DDX19A: variants seen among roughly 807,000 people sequenced by gnomAD.
DDX19A encodes DEAD-box helicase 19A, also known as ATP-dependent RNA helicase DDX19A.
Under a neutral mutation model 60.6 loss-of-function variants are expected in DDX19A, and 12 were observed. The observed-to-expected ratio is 0.20, with a 90% CI of 0.13 to 0.32. The LOEUF (loss-of-function observed/expected upper bound fraction) is 0.32, where lower values mean the gene tolerates loss of function less well. Ranked by LOEUF, DDX19A falls within the 10% of genes least tolerant of loss-of-function variation. The probability of loss-of-function intolerance (pLI) is 1.00; values close to 1 mark genes in which losing one functional copy is unlikely to be tolerated. For missense variants in DDX19A, 337 were observed against 600.6 expected (o/e 0.56, Z 4.59); for synonymous variants, 206 against 218.2 (o/e 0.94, Z 0.49).
At chr16:70,365,522 C>A in intron 7 of DDX19A, 1 of 189,914 alleles carries the variant, frequency 5.3e-6, no homozygotes, top group South Asian at 9.4e-5. Context: ...TACAGTGGCT[C>A]ACACCTGCAA....
rs772565279 is a variant in DDX19A at position 70,355,485 on chromosome 16, G to A, written c.107G>A (p.Gly36Asp). The A allele has an allele frequency of 1.2e-6, 2 of 1,612,290 alleles. No homozygotes were observed. The highest frequency in any genetic ancestry group is 1.7e-6 in the Non-Finnish European group (2 of 1,178,448). ...TTATGACAATTGTTTTCTTGTGTAG[G>A]TATTATCAAAACCAGTACCACTGCC... ...KEEKVKADTN[G>D]IIKTSTTAEK... Residue 36 changes from glycine (G) to aspartate (D), a missense_variant and splice_region_variant, in exon 3 of 12, where the codon GGT (glycine) becomes GAT (aspartate). Transcript: ENST00000302243.
At chr16:70,364,911 T>C in intron 6 of DDX19A, 106 bp from the exon 7 acceptor site, 1 of 863,776 alleles carries the variant, frequency 1.2e-6, no homozygotes, top group Non-Finnish European at 1.9e-6. Flanking sequence ...TGGGAGGACA[T>C]GCTTCCCTGT....
chr16:70,361,288 T>G, intron 4 of DDX19A, 130 bp from the exon 5 acceptor site: 1 of 734,988 alleles, frequency 1.4e-6, no homozygotes, highest in Non-Finnish European at 2.3e-6. Context: ...AGTGTTTTTT[T>G]AAGGCATAGG....
At chr16:70,363,000 T>G (rs1222607121) in intron 5 of DDX19A, among the ~76,000 whole-genome samples, 2 of 136,390 alleles carry the variant, frequency 1.5e-5, no homozygotes, top group Non-Finnish European at 3.1e-5. Flanking sequence ...GGCGACAGAG[T>G]AAGACTCTGT....
chr16:70,372,059 G>T lies in DDX19A; in HGVS notation c.*73G>T, dbSNP rs538828112. On this transcript the variant is annotated 3_prime_UTR_variant, in exon 12 of 12. Transcript: ENST00000302243. ...GGAGACAAGTGCATTTAGGGCACAG[G>T]CCCCGACATCACCCCAAGGACAACG... 6.2e-7 allele frequency: 1 copy of T among 1,609,556 alleles called. No individual in the cohort carries two copies. The highest frequency in any genetic ancestry group is 2.2e-5 in the East Asian group (1 of 44,872).
intron 2 of DDX19A, 24 bp from the exon 3 acceptor site, chr16:70,355,461 T>G: frequency 6.3e-7 from 1 of 1,591,930 alleles, no homozygotes; most frequent in Non-Finnish European, 8.6e-7. Context: ...CCTTTCTAAT[T>G]ATGACAATTG....
Position 70,371,557 on chromosome 16 carries a change from C to T in DDX19A, c.1369C>T (p.His457Tyr). 6.1e-6 allele frequency: 9 copies of T among 1,465,904 alleles called. No homozygotes were observed. The highest frequency in any genetic ancestry group is 8.3e-6 in the Non-Finnish European group (9 of 1,088,562). 90.8% of individuals were successfully genotyped at this position (1,465,904 alleles called of 1,614,324 possible). A position where few individuals can be genotyped will look rare whatever the true frequency, so the allele number is the denominator to read the frequency against. ...SMNILNRIQE[H>Y]FNKKIERLDT... ...GAACATCCTGAACAGAATCCAGGAGCATTTTAGTGAGTCCCGGGGAGGGTC... is the reference window on the plus strand; with the variant it reads ...GAACATCCTGAACAGAATCCAGGAGTATTTTAGTGAGTCCCGGGGAGGGTC... Residue 457 changes from histidine to tyrosine, a missense_variant, in exon 11 of 12, where the codon CAT (histidine) becomes TAT (tyrosine). Physicochemically the swap from His to Tyr is moderately conservative, Grantham distance 83. Transcript: ENST00000302243.
intron 1 of DDX19A, among the ~76,000 whole-genome samples, chr16:70,348,596 C>T (rs1189762763): frequency 7.0e-6 from 1 of 143,080 alleles, no homozygotes; most frequent in African/African-American, 2.6e-5. Flanking sequence ...CACTGCACTC[C>T]AGCCTGGGCT....
chr16:70,367,759 C>G (rs1028270459), intron 9 of DDX19A, among the ~76,000 whole-genome samples: 1 of 152,042 alleles, frequency 6.6e-6, no homozygotes, highest in Non-Finnish European at 1.5e-5. Flanking sequence ...TGCCTGTAAT[C>G]CCAGCTACTC....
At chr16:70,364,871 T>C in intron 6 of DDX19A, 146 bp from the exon 7 acceptor site, 1 of 707,136 alleles carries the variant, frequency 1.4e-6, no homozygotes, top group Non-Finnish European at 2.4e-6. Context: ...TGCTGCAGGC[T>C]TCAGTCTATG....
At chr16:70,350,398 A>G (rs966197034) in intron 1 of DDX19A, among the ~76,000 whole-genome samples, 159 bp from the exon 2 acceptor site, 2 of 152,192 alleles carry the variant, frequency 1.3e-5, no homozygotes, top group Non-Finnish European at 2.9e-5. Flanking sequence ...GGTTTCACAC[A>G]GACTTTCAGC....
intron 7 of DDX19A, 46 bp from the exon 8 acceptor site, chr16:70,366,039 G>A (rs1408469347): frequency 1.9e-6 from 3 of 1,613,866 alleles, no homozygotes; most frequent in Non-Finnish European, 1.7e-6. Context: ...TTCCAGAGCT[G>A]GCTTTGCCTT....
At chr16:70,347,435 GGTA>G (rs1297277354) in intron 1 of DDX19A, among the ~76,000 whole-genome samples, 1 of 152,174 alleles carries the variant, frequency 6.6e-6, no homozygotes, top group Non-Finnish European at 1.5e-5. Context: ...TAACGTGGTT[GGTA>G]GTTTGTAGCT....
intron 1 of DDX19A, among the ~76,000 whole-genome samples, chr16:70,349,156 G>C (rs924566691): frequency 6.6e-6 from 1 of 152,162 alleles, no homozygotes; most frequent in Non-Finnish European, 1.5e-5. Context: ...GAGGAAAAAG[G>C]CTCATGGGCT....
intron 4 of DDX19A, 149 bp downstream of exon 4, chr16:70,356,396 G>C: frequency 7.8e-7 from 1 of 1,277,394 alleles, no homozygotes; most frequent in Non-Finnish European, 1.1e-6. Context: ...CGCTCCTGTT[G>C]CCCAGCCTGG....
At position 70,346,947 on chromosome 16, in the gene DDX19A, G is replaced by C. The variant is rs755393414; in HGVS notation, c.-45G>C. ...GAGGTTAGGGCCCGCGTTGCGACGTGGTGCAGCGCATATTTTCACAAGTGG... is the reference window on the plus strand; with the variant it reads ...GAGGTTAGGGCCCGCGTTGCGACGTCGTGCAGCGCATATTTTCACAAGTGG... On this transcript the variant is annotated 5_prime_UTR_variant, in exon 1 of 12. Transcript: ENST00000302243. 3 of 1,587,208 alleles carry C rather than the reference G, an allele frequency of 1.9e-6. No individual in the cohort carries two copies. Among genetic ancestry groups the C allele is most frequent in the African/African-American group, 2.7e-5 (2 of 74,520 alleles).
At chr16:70,365,864 G>A (rs1397045393) in intron 7 of DDX19A, 1 of 621,300 alleles carries the variant, frequency 1.6e-6, no homozygotes, top group African/African-American at 1.8e-5. Flanking sequence ...GCTTATTGAA[G>A]GATTGCTGTG....
At chr16:70,348,966 T>C (rs529972821) in intron 1 of DDX19A, among the ~76,000 whole-genome samples, 1 of 152,048 alleles carries the variant, frequency 6.6e-6, no homozygotes, top group Admixed American at 6.6e-5. Context: ...AAGGGAATGG[T>C]GAGTTCAGGT....
rs1029569353 is a variant in DDX19A at position 70,372,188 on chromosome 16, G to A, written c.*202G>A. ...CAATAGAAGAAAAAATTTGCATTTT[G>A]GAAAATTGGGTCCTTTCCCCACTTT... On this transcript the variant is annotated 3_prime_UTR_variant, in exon 12 of 12. Transcript: ENST00000302243. 3 of 777,970 alleles carry A rather than the reference G, an allele frequency of 3.9e-6. No individual in the cohort carries two copies. In the Admixed American group the frequency reaches 8.8e-5, roughly 23 times the overall value. 48.2% of individuals were successfully genotyped at this position (777,970 alleles called of 1,614,324 possible).
Sources: gnomAD v4.1 joint callset for allele counts (sites outside exome capture counted in the v4.1 genomes callset) on GRCh38, gnomAD v4.1.1 for gene constraint, MANE v1.5 for transcripts, NCBI Gene and HGNC (gene_info 2026-07-23, HGNC 2026-07-21) for gene names.